Variants in DOCK5 observed in about 807,000 individuals in gnomAD.
The protein encoded by DOCK5 is dedicator of cytokinesis protein 5.
Under a neutral mutation model 251.8 loss-of-function variants are expected in DOCK5, and 142 were observed. The ratio of observed to expected loss-of-function variants is 0.56; its 90% CI spans 0.49 to 0.65. The LOEUF (loss-of-function observed/expected upper bound fraction) is 0.65, where lower values mean the gene tolerates loss of function less well. Among genes scored for constraint, DOCK5 ranks in the 30% least tolerant of loss-of-function variants. The probability of loss-of-function intolerance (pLI) is 0.00; values close to 1 mark genes in which losing one functional copy is unlikely to be tolerated. For missense variants in DOCK5, 2,111 were observed against 2,312.3 expected (o/e 0.91, Z 1.79); for synonymous variants, 842 against 835.5 (o/e 1.01, Z -0.13).
intron 18 of DOCK5, among the ~76,000 whole-genome samples, chr8:25,331,140 A>G (rs1339558673): frequency 6.6e-6 from 1 of 151,998 alleles, no homozygotes; most frequent in Non-Finnish European, 1.5e-5. Context: ...TGCTACATTT[A>G]CTAGATAGTG....
chr8:25,321,026 C>T lies in DOCK5; in HGVS notation c.1589C>T (p.Thr530Ile). ...GTCACACGCTGTCATATAAGATTTA[C>T]CTTCCGACACAGGTCATCTCAGGAA... ...EEVTRCHIRFTFRHRSSQETR... is the reference protein window; with the variant it reads ...EEVTRCHIRFIFRHRSSQETR... The change falls in exon 16 of 52, where the codon ACC (threonine) becomes ATC (isoleucine). Residue 530 changes from threonine to isoleucine, a missense_variant. By Grantham distance (89) the Thr-to-Ile change is moderately conservative. Transcript: ENST00000276440. 1.2e-6 allele frequency: 2 copies of T among 1,613,552 alleles called. No individual in the cohort carries two copies. Among genetic ancestry groups the T allele is most frequent in the Non-Finnish European group, 1.7e-6 (2 of 1,179,756 alleles).
intron 26 of DOCK5, among the ~76,000 whole-genome samples, chr8:25,349,304 A>G (rs1800426137): frequency 6.6e-6 from 1 of 152,230 alleles, no homozygotes; most frequent in Non-Finnish European, 1.5e-5. Context: ...ATGAAAAACT[A>G]TGAAAAACAG....
chr8:25,338,070 G>T lies in DOCK5; in HGVS notation c.2327+1697G>T, dbSNP rs539509637. On this transcript the variant is annotated intron_variant, in intron 22 of 51. Transcript: ENST00000276440. ...TTTTTGTTTTTGTTTTTGAGACAGG[G>T]TCTGGCTCTGTCACCCAGGCGAGAG... Among the ~76,000 whole-genome samples the T allele has an allele frequency of 7.2e-5, 11 of 152,062 alleles. No individual in the cohort carries two copies. The East Asian group carries it at 1.9e-3, about 27-fold the overall frequency.
At chr8:25,333,978 G>T in intron 20 of DOCK5, 118 bp from the exon 21 acceptor site, 1 of 729,182 alleles carries the variant, frequency 1.4e-6, no homozygotes, top group East Asian at 2.5e-5. Flanking sequence ...TAGTAGAGTG[G>T]GAATGCTGCA....
chr8:25,399,973 A>G lies in DOCK5; in HGVS notation c.4767A>G (p.Leu1589=). 1.2e-6 allele frequency: 2 copies of G among 1,613,736 alleles called. No individual in the cohort carries two copies. Among genetic ancestry groups the G allele is most frequent in the South Asian group, 1.1e-5 (1 of 90,968 alleles). Residue 1589 remains leucine (L), a synonymous_variant, in exon 46 of 52, where the codon CTA becomes CTG. Transcript: ENST00000276440. ...HPEDQEKVEL[L]KRLIALQMPL... Reference sequence around the variant, plus strand: ...AAGACCAGGAGAAGGTTGAGCTGCTAAAGCGACTAATAGCATTACAGGTAC... The same window carrying G: ...AAGACCAGGAGAAGGTTGAGCTGCTGAAGCGACTAATAGCATTACAGGTAC...
intron 13 of DOCK5, 32 bp from the exon 14 acceptor site, chr8:25,316,975 G>A (rs1288332077): frequency 6.2e-7 from 1 of 1,611,516 alleles, no homozygotes; most frequent in Non-Finnish European, 8.5e-7. Flanking sequence ...ACTTCTCTCA[G>A]CAACACTCAC....
intron 18 of DOCK5, among the ~76,000 whole-genome samples, chr8:25,329,017 G>C (rs185314629): frequency 1.3e-5 from 2 of 152,142 alleles, no homozygotes; most frequent in African/African-American, 2.4e-5. Context: ...ATAGTTTATC[G>C]TTTTGCAGTT....
intron 11 of DOCK5, among the ~76,000 whole-genome samples, chr8:25,306,213 G>T (rs771396238): frequency 1.3e-5 from 2 of 152,090 alleles, no homozygotes; most frequent in Admixed American, 6.6e-5. Context: ...CACTTACCTT[G>T]TATGCTACCA....
intron 1 of DOCK5, among the ~76,000 whole-genome samples, chr8:25,225,911 T>C (rs1802519494): frequency 6.6e-6 from 1 of 152,118 alleles, no homozygotes; most frequent in Admixed American, 6.5e-5. Context: ...TGGGGAGTTA[T>C]TGCTGAATGA....
chr8:25,244,767 A>T (rs1241889221), intron 2 of DOCK5, among the ~76,000 whole-genome samples: 2 of 152,210 alleles, frequency 1.3e-5, no homozygotes, highest in Non-Finnish European at 2.9e-5. Context: ...GCATGGTTGC[A>T]TGGAAGACTC....
chr8:25,354,953 G>A (rs1412274021), intron 27 of DOCK5, among the ~76,000 whole-genome samples: 1 of 152,166 alleles, frequency 6.6e-6, no homozygotes, highest in Non-Finnish European at 1.5e-5. Context: ...AGATATTTAG[G>A]CCAAGCACAA....
chr8:25,259,193 T>C (rs1256797879), intron 2 of DOCK5, among the ~76,000 whole-genome samples: 1 of 152,188 alleles, frequency 6.6e-6, no homozygotes, highest in African/African-American at 2.4e-5. Context: ...TTCACTTAGA[T>C]GGTGTGCCTA....
chr8:25,382,946 C>T (rs751103640), intron 40 of DOCK5, among the ~76,000 whole-genome samples, 168 bp downstream of exon 40: 1 of 140,738 alleles, frequency 7.1e-6, no homozygotes. Context: ...CCCACACCCC[C>T]GGACACCCGT....
chr8:25,275,414 T>G lies in DOCK5; in HGVS notation c.197T>G (p.Leu66Trp). The change falls in exon 4 of 52, where the codon TTG becomes TGG. Residue 66 changes from leucine (L) to tryptophan (W), a missense_variant. Physicochemically the swap from Leu to Trp is moderately conservative, Grantham distance 61 (BLOSUM62 -2). Transcript: ENST00000276440. The part of the protein sequence containing the change: ...KGIFPETYIH[L>W]KEATVEDLGQ... Reference sequence around the variant, plus strand: ...ATTTTCCCTGAAACATATATCCATTTGAAAGAGGCAACTGTGGAAGACCTG... The same window carrying G: ...ATTTTCCCTGAAACATATATCCATTGGAAAGAGGCAACTGTGGAAGACCTG... 1.2e-6 allele frequency: 2 copies of G among 1,610,532 alleles called. No individual in the cohort carries two copies. Among genetic ancestry groups the G allele is most frequent in the South Asian group, 1.1e-5 (1 of 90,360 alleles).
At chr8:25,290,736 ACT>A (rs1804463922) in intron 5 of DOCK5, among the ~76,000 whole-genome samples, 1 of 152,188 alleles carries the variant, frequency 6.6e-6, no homozygotes, top group East Asian at 1.9e-4. Flanking sequence ...AAATGAACAA[ACT>A]CTCTGTCCTA....
rs370716555 is a variant in DOCK5 at position 25,193,417 on chromosome 8, T to G, written c.43+8466T>G. Among the ~76,000 whole-genome samples the G allele has an allele frequency of 1.7e-3, 253 of 151,480 alleles. 1 individual carries two copies. The highest frequency in any genetic ancestry group is 5.8e-3 in the African/African-American group (237 of 41,188). ...TTGCATTTAGGTACTTAGACAGCAC[T>G]GTAGCACTATGCTTGGGACCATTTT... On this transcript the variant is annotated intron_variant, in intron 1 of 51. Transcript: ENST00000276440.
Position 25,395,600 on chromosome 8 carries a change from A to G in DOCK5, c.4585A>G (p.Ile1529Val). ...AACCATGGAGCTGACCAACGAGAGG[A>G]TCAGCAACTGTGTTCAGCAGCATGC... ...IETMELTNERISNCVQQHAWD... is the reference protein window; with the variant it reads ...IETMELTNERVSNCVQQHAWD... Residue 1529 changes from isoleucine to valine, a missense_variant, in exon 45 of 52, where the codon ATC (isoleucine) becomes GTC (valine). By Grantham distance (29) the Ile-to-Val change is conservative. Around this residue, in one of 3 missense-constraint regions of DOCK5, gnomAD observed 1,717 missense variants for 1,892.4 expected, o/e 0.91. Coordinates refer to ENST00000276440, the MANE Select transcript of DOCK5 (RefSeq NM_024940.8). The G allele has an allele frequency of 1.2e-6, 2 of 1,613,560 alleles. No homozygotes were observed. Among genetic ancestry groups the G allele is most frequent in the Non-Finnish European group, 1.7e-6 (2 of 1,179,804 alleles).
At chr8:25,205,051 A>T (rs1801967856) in intron 1 of DOCK5, among the ~76,000 whole-genome samples, 1 of 152,108 alleles carries the variant, frequency 6.6e-6, no homozygotes. Flanking sequence ...TATTTTTAAA[A>T]ATGTCTTTTA....
intron 1 of DOCK5, among the ~76,000 whole-genome samples, chr8:25,239,439 T>A (rs1490050986): frequency 6.6e-6 from 1 of 151,852 alleles, no homozygotes; most frequent in East Asian, 1.9e-4. Flanking sequence ...TGAGAGCTTC[T>A]GCTTACTTTT....
Sources: allele counts gnomAD v4.1 joint callset (sites outside exome capture counted in the v4.1 genomes callset), GRCh38; gene constraint gnomAD v4.1.1; regional missense constraint gnomAD v4.1.1; transcripts MANE v1.5; gene names NCBI Gene and HGNC (gene_info 2026-07-23, HGNC 2026-07-21).